The following MKNK2 variants were observed in gnomAD, a reference collection of about 807,000 sequenced individuals.
MKNK2 encodes the protein MAPK interacting serine/threonine kinase 2, also known as MAP kinase-interacting serine/threonine-protein kinase 2.
MKNK2 carries 54 observed loss-of-function variants against 55.0 expected under a neutral mutation model. The ratio of observed to expected loss-of-function variants is 0.98; its 90% CI spans 0.79 to 1.23. MKNK2 has a LOEUF of 1.23. Among genes scored for constraint, MKNK2 ranks in the 50% most tolerant of loss-of-function variants. The pLI, the probability that MKNK2 is intolerant of heterozygous loss-of-function variation, is 0.00. For synonymous variants in MKNK2, 323 were observed against 256.0 expected (o/e 1.26, Z -2.50); for missense variants, 685 against 632.1 (o/e 1.08, Z -0.90).
In MKNK2 at chr19:2,038,525, G is replaced by C; in HGVS notation, c.*1088C>G. The C allele has an allele frequency of 2.0e-6, 2 of 985,722 alleles. No homozygotes were observed. The highest frequency in any genetic ancestry group is 2.4e-6 in the Non-Finnish European group (2 of 830,066). 61.1% of individuals were successfully genotyped at this position (985,722 alleles called of 1,614,324 possible). ...CCGCATTCCTGGGTGCCCGAAGGGA[G>C]GCCGAGGCCGCAGCCGTTTTCCTGA... On this transcript the variant is annotated 3_prime_UTR_variant, in exon 14 of 14. Transcript: ENST00000250896.
rs2017104081 is a variant in MKNK2, at chr19:2,050,904, C to A, written c.-53G>T. 4 of 1,408,658 alleles carry A rather than the reference C, an allele frequency of 2.8e-6. No homozygotes were observed. Among genetic ancestry groups the A allele is most frequent in the South Asian group, 1.3e-5 (1 of 74,720 alleles). 87.3% of individuals were successfully genotyped at this position (1,408,658 alleles called of 1,614,324 possible). ...AGGGGACCGAGGGCCCGGGGGGAGG[C>A]CCGAGGGCGGGCGGCCGGGCGGGGG... On this transcript the variant is annotated 5_prime_UTR_variant, in exon 2 of 14. Transcript: ENST00000250896.
intron 2 of MKNK2, among the ~76,000 whole-genome samples, chr19:2,050,006 A>T (rs1177723141): frequency 1.3e-5 from 2 of 152,196 alleles, no homozygotes; most frequent in South Asian, 2.1e-4. Flanking sequence ...TGCCCAAGGA[A>T]GCCCAGTGAA....
At chr19:2,042,091 A>G (rs1211409795) in intron 10 of MKNK2, 57 bp from the exon 11 acceptor site, 5 of 1,398,148 alleles carry the variant, frequency 3.6e-6, no homozygotes, top group Non-Finnish European at 4.7e-6. Flanking sequence ...GTGGGAACCG[A>G]GCCCGGGTAA....
intron 12 of MKNK2, 128 bp downstream of exon 12, chr19:2,040,912 C>T (rs762065018): frequency 1.1e-6 from 1 of 927,180 alleles, no homozygotes; most frequent in Admixed American, 2.1e-5. Context: ...CAGGGCAGAG[C>T]CTGTGCTCTC....
In MKNK2 at chr19:2,043,112, G is replaced by A; in HGVS notation, c.493+12C>T. 1 of 1,609,108 alleles carries A rather than the reference G, an allele frequency of 6.2e-7. No individual in the cohort carries two copies. The highest frequency in any genetic ancestry group is 8.5e-7 in the Non-Finnish European group (1 of 1,175,786). ...GCTCCCTCCCTCCTCACAGCCTGGA[G>A]CCCCCAGGTACCTCCCCGCATCTTC... On this transcript the variant is annotated intron_variant, in intron 7 of 13. Transcript: ENST00000250896.
Position 2,038,060 on chromosome 19 carries a change from G to A in MKNK2, c.*1553C>T. 1 of 1,253,046 alleles carries A rather than the reference G, an allele frequency of 8.0e-7. No homozygotes were observed. The highest frequency in any genetic ancestry group is 2.1e-5 in the South Asian group (1 of 47,366). 77.6% of individuals were successfully genotyped at this position (1,253,046 alleles called of 1,614,324 possible). The stretch of plus-strand genomic sequence containing the variant: ...CCCCCAGGGGTCTTTGGAAGGGGCA[G>A]TCCACAGATATGGGCAGTGGGGACC... On this transcript the variant is annotated 3_prime_UTR_variant, in exon 14 of 14. Transcript: ENST00000250896.
chr19:2,040,951 G>A, intron 12 of MKNK2, 89 bp downstream of exon 12: 8 of 1,299,500 alleles, frequency 6.2e-6, no homozygotes, highest in Middle Eastern at 1.9e-4. Flanking sequence ...GGGTGTCCAG[G>A]CTACACCCTC....
Position 2,038,191 on chromosome 19 carries a change from C to A in MKNK2, c.*1422G>T. ...GGTCTCCGAGGCCCCCACCCCCAGG[C>A]CCCCCGACATTCAAGTATTCTTCAA... On this transcript the variant is annotated 3_prime_UTR_variant, in exon 14 of 14. Coordinates refer to ENST00000250896, the MANE Select transcript of MKNK2 (RefSeq NM_199054.3). The A allele has an allele frequency of 9.9e-7, 1 of 1,011,938 alleles. No individual in the cohort carries two copies. The highest frequency in any genetic ancestry group is 1.2e-6 in the Non-Finnish European group (1 of 848,648). 62.7% of individuals were successfully genotyped at this position (1,011,938 alleles called of 1,614,324 possible).
chr19:2,043,409 C>A, intron 6 of MKNK2, 94 bp downstream of exon 6: 1 of 1,271,452 alleles, frequency 7.9e-7, no homozygotes, highest in Non-Finnish European at 1.1e-6. Flanking sequence ...ACTGGGTGCC[C>A]TACAGACGCT....
chr19:2,047,894 G>A (rs751853590), intron 2 of MKNK2, among the ~76,000 whole-genome samples: 3 of 152,012 alleles, frequency 2.0e-5, no homozygotes, highest in Admixed American at 6.6e-5. Context: ...CCCATGTCCC[G>A]CAGCTGCCCG....
chr19:2,040,170 G>A lies in MKNK2; in HGVS notation c.1118C>T (p.Pro373Leu), dbSNP rs753001994. 73 of 1,584,044 alleles carry A rather than the reference G, an allele frequency of 4.6e-5. No homozygotes were observed. The highest frequency in any genetic ancestry group is 1.7e-4 in the Middle Eastern group (1 of 6,014). ...CATGGGAGTGGGCAAGGTGTTCTCCGGGGCGCACTGCAACGAGAGTGGGCG... is the reference window on the plus strand; with the variant it reads ...CATGGGAGTGGGCAAGGTGTTCTCCAGGGCGCACTGCAACGAGAGTGGGCG... Reference protein sequence around the residue: ...LQHPWVQGCAPENTLPTPMVL... With the variant: ...LQHPWVQGCALENTLPTPMVL... Residue 373 changes from proline to leucine, a missense_variant, in exon 13 of 14, where the codon CCG becomes CTG. Pro to Leu is a moderately conservative substitution (Grantham distance 98, BLOSUM62 -3). Coordinates refer to ENST00000250896, the MANE Select transcript of MKNK2 (RefSeq NM_199054.3).
chr19:2,046,110 T>C (rs1299942268), intron 5 of MKNK2, 76 bp downstream of exon 5: 15 of 1,407,292 alleles, frequency 1.1e-5, no homozygotes, highest in Non-Finnish European at 1.1e-5. Context: ...ACAGCCGGAA[T>C]GCCACACACT....
At chr19:2,043,426 G>A in intron 6 of MKNK2, 77 bp downstream of exon 6, 1 of 1,370,090 alleles carries the variant, frequency 7.3e-7, no homozygotes, top group South Asian at 1.2e-5. Flanking sequence ...CGCTTGCTGG[G>A]GGTGATGTGG....
Position 2,046,170 on chromosome 19 carries a change from C to A in MKNK2, c.339+16G>T. The A allele has an allele frequency of 1.9e-6, 3 of 1,606,282 alleles. No homozygotes were observed. The highest frequency in any genetic ancestry group is 2.5e-6 in the Non-Finnish European group (3 of 1,179,044). On this transcript the variant is annotated intron_variant, in intron 5 of 13. Transcript: ENST00000250896. ...TCCCAAGGCGCTGGGTTCCCCAGGGCGCGGCGCGGGCCCACCTTGACGGCG... is the reference window on the plus strand; with the variant it reads ...TCCCAAGGCGCTGGGTTCCCCAGGGAGCGGCGCGGGCCCACCTTGACGGCG...
At chr19:2,046,553 A>T in intron 3 of MKNK2, 51 bp downstream of exon 3, 2 of 1,553,744 alleles carry the variant, frequency 1.3e-6, no homozygotes, top group East Asian at 2.4e-5. Flanking sequence ...GGCCACTGCC[A>T]TGGCAGCGAC....
chr19:2,046,154 G>T (rs780499924), intron 5 of MKNK2, 32 bp downstream of exon 5: 1 of 1,592,578 alleles, frequency 6.3e-7, no homozygotes, highest in Non-Finnish European at 8.6e-7. Context: ...ATCCCAAGGC[G>T]CTGGGTTCCC....
At chr19:2,043,388 G>C in intron 6 of MKNK2, 115 bp downstream of exon 6, 2 of 1,123,434 alleles carry the variant, frequency 1.8e-6, no homozygotes, top group Non-Finnish European at 2.7e-6. Flanking sequence ...GGGGAATGCA[G>C]GGCCTGGGAA....
chr19:2,040,839 C>T lies in MKNK2; in HGVS notation c.1110+201G>A, dbSNP rs374525422. On this transcript the variant is annotated intron_variant, in intron 12 of 13. Transcript: ENST00000250896. Reference sequence around the variant, plus strand: ...CTGAGTAGCTGCTCCTGGGAGCCGCCTGGCTGGCCAGCGGGCACCGTGCAC... The same window carrying T: ...CTGAGTAGCTGCTCCTGGGAGCCGCTTGGCTGGCCAGCGGGCACCGTGCAC... The T allele has an allele frequency of 2.7e-4, 160 of 600,004 alleles. No homozygotes were observed. In the East Asian group the frequency reaches 2.9e-3, roughly 11 times the overall value. 37.2% of individuals were successfully genotyped at this position (600,004 alleles called of 1,614,324 possible). A position where few individuals can be genotyped will look rare whatever the true frequency, so the allele number is the denominator to read the frequency against.
At position 2,043,202 on chromosome 19, in the gene MKNK2, G is replaced by T. The variant is rs764955168; in HGVS notation, c.420-5C>A. The T allele has an allele frequency of 3.2e-5, 51 of 1,606,722 alleles. No homozygotes were observed. The highest frequency in any genetic ancestry group is 4.1e-5 in the Non-Finnish European group (48 of 1,173,732). On this transcript the variant is annotated splice_polypyrimidine_tract_variant and splice_region_variant and intron_variant, in intron 6 of 13. Coordinates refer to ENST00000250896, the MANE Select transcript of MKNK2 (RefSeq NM_199054.3). ...TCAATCAGCTCTAGGACGTTCCTGG[G>T]GTGGGGGTGGGGGCAGGAGAGGAGC...
Sources: gnomAD v4.1 joint callset for allele counts (sites outside exome capture counted in the v4.1 genomes callset) on GRCh38, gnomAD v4.1.1 for gene constraint, MANE v1.5 for transcripts, NCBI Gene and HGNC (gene_info 2026-07-23, HGNC 2026-07-21) for gene names.